NKAIN3: variants seen among roughly 807,000 people sequenced by gnomAD.
NKAIN3 encodes sodium/potassium-transporting ATPase subunit beta-1-interacting protein 3.
A neutral mutation model predicts 30.2 loss-of-function variants in NKAIN3; 25 were observed. That is an observed-to-expected ratio of 0.83 (90% CI 0.60 to 1.16). NKAIN3 has a LOEUF of 1.16. NKAIN3 is among the 50% of genes most tolerant of loss of function. The probability of loss-of-function intolerance (pLI) is 0.00; values close to 1 mark genes in which losing one functional copy is unlikely to be tolerated. For missense variants in NKAIN3, 225 were observed against 254.1 expected (o/e 0.89, Z 0.78); for synonymous variants, 91 against 89.6 (o/e 1.02, Z -0.09).
At chr8:62,334,876 C>T (rs1351838202) in intron 1 of NKAIN3, among the ~76,000 whole-genome samples, 1 of 152,010 alleles carries the variant, frequency 6.6e-6, no homozygotes, top group Non-Finnish European at 1.5e-5. Flanking sequence ...AGGACCTTTC[C>T]ACACACTCTC....
At chr8:62,873,819 G>A (rs374231710) in intron 4 of NKAIN3, among the ~76,000 whole-genome samples, 4 of 151,872 alleles carry the variant, frequency 2.6e-5, no homozygotes, top group African/African-American at 9.7e-5. Flanking sequence ...AGAATCTCTG[G>A]GTTATGGCTA....
chr8:62,341,670 G>C (rs1815751472), intron 1 of NKAIN3, among the ~76,000 whole-genome samples: 1 of 151,728 alleles, frequency 6.6e-6, no homozygotes, highest in Non-Finnish European at 1.5e-5. Context: ...ATGTCTTTTT[G>C]TATGAAGATC....
chr8:62,283,205 T>G (rs1013296692), intron 1 of NKAIN3, among the ~76,000 whole-genome samples: 5 of 152,200 alleles, frequency 3.3e-5, no homozygotes, highest in Admixed American at 3.3e-4. Flanking sequence ...TTTGAAATCT[T>G]GAACTTAATC....
At chr8:62,394,463 C>G (rs946799517) in intron 1 of NKAIN3, among the ~76,000 whole-genome samples, 7 of 147,024 alleles carry the variant, frequency 4.8e-5, no homozygotes, top group Middle Eastern at 3.5e-3. Flanking sequence ...GTATTTTTTT[C>G]TTGACTGTAA....
At chr8:62,280,630 A>C (rs1468648074) in intron 1 of NKAIN3, among the ~76,000 whole-genome samples, 1 of 152,220 alleles carries the variant, frequency 6.6e-6, no homozygotes, top group African/African-American at 2.4e-5. Context: ...CTATTGAGAT[A>C]ATCATGTGAT....
At chr8:62,358,532 T>G (rs1816433506) in intron 1 of NKAIN3, among the ~76,000 whole-genome samples, 1 of 152,212 alleles carries the variant, frequency 6.6e-6, no homozygotes, top group African/African-American at 2.4e-5. Context: ...AAACATTTCT[T>G]TCTTATATAT....
intron 4 of NKAIN3, among the ~76,000 whole-genome samples, chr8:62,888,416 C>T (rs1821206854): frequency 6.6e-6 from 1 of 152,154 alleles, no homozygotes; most frequent in Non-Finnish European, 1.5e-5. Flanking sequence ...CATTTTTTAA[C>T]TTTCAAATGG....
chr8:62,483,033 C>A (rs939208564), intron 1 of NKAIN3: 1 of 152,140 alleles, frequency 6.6e-6, no homozygotes, highest in Non-Finnish European at 1.5e-5. Context: ...ACACCAGAGC[C>A]GTCTCTTCTC....
At chr8:62,760,813 T>C (rs369926511) in intron 4 of NKAIN3, among the ~76,000 whole-genome samples, 11 of 152,200 alleles carry the variant, frequency 7.2e-5, no homozygotes, top group African/African-American at 2.7e-4. Flanking sequence ...TTTAGTCATT[T>C]CATTTAATCT....
chr8:62,725,885 C>T (rs539897484), intron 3 of NKAIN3, among the ~76,000 whole-genome samples: 1 of 152,006 alleles, frequency 6.6e-6, no homozygotes, highest in East Asian at 1.9e-4. Flanking sequence ...TGAAGAATGT[C>T]ATTGATATTT....
intron 1 of NKAIN3, among the ~76,000 whole-genome samples, chr8:62,324,188 T>G (rs1815036791): frequency 6.6e-6 from 1 of 151,766 alleles, no homozygotes; most frequent in Non-Finnish European, 1.5e-5. Context: ...TTAATAAGAG[T>G]GTAATCTGAG....
chr8:62,905,265 A>G (rs964461445), intron 4 of NKAIN3, among the ~76,000 whole-genome samples: 6 of 152,300 alleles, frequency 3.9e-5, no homozygotes, highest in African/African-American at 1.4e-4. Context: ...GTACAGATGC[A>G]TGGCAGAGGA....
chr8:62,451,088 T>G (rs1805623599), intron 1 of NKAIN3, among the ~76,000 whole-genome samples: 1 of 152,194 alleles, frequency 6.6e-6, no homozygotes, highest in Admixed American at 6.5e-5. Context: ...TATATCAGTT[T>G]GGATCACATT....
At chr8:62,890,367 A>G (rs373330949) in intron 4 of NKAIN3, among the ~76,000 whole-genome samples, 15 of 152,358 alleles carry the variant, frequency 9.8e-5, no homozygotes, top group African/African-American at 1.2e-4. Context: ...TTGAGCAACA[A>G]TGAAAGGATA....
chr8:62,357,208 A>G (rs1186755926), intron 1 of NKAIN3, among the ~76,000 whole-genome samples: 2 of 152,232 alleles, frequency 1.3e-5, no homozygotes, highest in African/African-American at 4.8e-5. Flanking sequence ...GGAGTTTGAG[A>G]ACAGCCTGGG....
chr8:62,854,657 A>T lies in NKAIN3; in HGVS notation c.472-63796A>T, dbSNP rs143768161. On this transcript the variant is annotated intron_variant, in intron 4 of 6. Transcript: ENST00000623646. ...ATCTTGATTCTTTATCTGGTTTGCC[A>T]TTCTGTGTCTTTTAATTGGGGCATG... 1.7e-3 allele frequency among the ~76,000 whole-genome samples: 257 copies of T among 152,236 alleles called. 1 individual carries two copies. Among genetic ancestry groups the T allele is most frequent in the Non-Finnish European group, 2.7e-3 (187 of 68,028 alleles).
chr8:62,404,419 A>T (rs1256296145), intron 1 of NKAIN3, among the ~76,000 whole-genome samples: 3 of 152,082 alleles, frequency 2.0e-5, no homozygotes, highest in South Asian at 2.1e-4. Context: ...TAATACCAAC[A>T]TGTCCTTGGA....
intron 1 of NKAIN3, among the ~76,000 whole-genome samples, chr8:62,552,012 A>C (rs10957227): frequency 0.49 from 74,642 of 152,052 alleles, 19,364 homozygotes; most frequent in Non-Finnish European, 0.59. Flanking sequence ...TATGTTCTTT[A>C]TGCCTTGATC....
intron 1 of NKAIN3, among the ~76,000 whole-genome samples, chr8:62,554,357 A>G (rs1274122223): frequency 6.6e-6 from 1 of 152,160 alleles, no homozygotes; most frequent in Non-Finnish European, 1.5e-5. Flanking sequence ...CTAAAGGAAT[A>G]CTCAAGCTAG....
Sources: allele counts gnomAD v4.1 joint callset (sites outside exome capture counted in the v4.1 genomes callset), GRCh38; gene constraint gnomAD v4.1.1; transcripts MANE v1.5; gene names NCBI Gene and HGNC (gene_info 2026-07-23, HGNC 2026-07-21).